PTK2: variants seen among roughly 807,000 people sequenced by gnomAD.
PTK2 encodes protein tyrosine kinase 2.
In PTK2, 45 loss-of-function variants were observed where a neutral mutation model predicts 150.1. The observed-to-expected ratio is 0.30, with a 90% CI of 0.24 to 0.38. PTK2 has a LOEUF of 0.38. Ranked by LOEUF, PTK2 falls within the 10% of genes least tolerant of loss-of-function variation. PTK2 has a pLI of 1.00. For missense variants in PTK2, 919 were observed against 1,307.3 expected, an observed-to-expected ratio of 0.70 and a Z score of 4.58; for synonymous variants, 432 against 449.2, an observed-to-expected ratio of 0.96 and a Z score of 0.48.
At chr8:140,715,158 T>TG (rs1369272778) in intron 23 of PTK2, among the ~76,000 whole-genome samples, 2 of 5,178 alleles carry the variant, frequency 3.9e-4, no homozygotes, top group Non-Finnish European at 1.2e-3. Flanking sequence ...TAAAACCGTT[T>TG]TTTTTTTTTT....
intron 7 of PTK2, among the ~76,000 whole-genome samples, chr8:140,831,111 G>A (rs2100115100): frequency 6.6e-6 from 1 of 152,140 alleles, no homozygotes; most frequent in South Asian, 2.1e-4. Context: ...GTGAATTTAT[G>A]GAAATGCTGG....
intron 1 of PTK2, among the ~76,000 whole-genome samples, chr8:140,943,467 T>G (rs2100176554): frequency 6.6e-6 from 1 of 152,256 alleles, no homozygotes; most frequent in Non-Finnish European, 1.5e-5. Flanking sequence ...CCAAAATCTG[T>G]TTATCCATTT....
At chr8:140,910,422 AAAGT>A (rs773207805) in intron 2 of PTK2, among the ~76,000 whole-genome samples, 1 of 152,148 alleles carries the variant, frequency 6.6e-6, no homozygotes, top group African/African-American at 2.4e-5. Context: ...ATTTTAAACA[AAAGT>A]ATGTATGGAA....
At chr8:140,822,918 T>C (rs2100109657) in intron 8 of PTK2, among the ~76,000 whole-genome samples, 1 of 152,222 alleles carries the variant, frequency 6.6e-6, no homozygotes, top group African/African-American at 2.4e-5. Flanking sequence ...GGTTTCACTT[T>C]CTAGTAAGTA....
chr8:140,810,569 C>T (rs975793990), intron 10 of PTK2, among the ~76,000 whole-genome samples: 1 of 152,200 alleles, frequency 6.6e-6, no homozygotes, highest in African/African-American at 2.4e-5. Context: ...CCGCTCCTTC[C>T]TCACACTGCA....
At chr8:140,882,402 C>T (rs1010448726) in intron 3 of PTK2, among the ~76,000 whole-genome samples, 1 of 152,132 alleles carries the variant, frequency 6.6e-6, no homozygotes, top group Non-Finnish European at 1.5e-5. Flanking sequence ...GATAATAGGA[C>T]ATGGGTTTTT....
At chr8:140,660,796 T>A (rs1420410651) in intron 31 of PTK2, 1 of 327,680 alleles carries the variant, frequency 3.1e-6, no homozygotes, top group Non-Finnish European at 6.2e-6. Context: ...CAAAATGCTG[T>A]CCTACAGGGT....
chr8:140,831,410 T>G (rs1165439109), intron 7 of PTK2, among the ~76,000 whole-genome samples: 1 of 152,192 alleles, frequency 6.6e-6, no homozygotes, highest in African/African-American at 2.4e-5. Flanking sequence ...ATATCACATA[T>G]AATAAACTGA....
intron 1 of PTK2, among the ~76,000 whole-genome samples, chr8:140,963,051 C>T (rs1034171335): frequency 1.3e-5 from 2 of 152,060 alleles, no homozygotes; most frequent in Non-Finnish European, 2.9e-5. Flanking sequence ...AGATTTGGCC[C>T]ACGTGCTATA....
chr8:140,708,326 C>T (rs1390173542), intron 23 of PTK2, among the ~76,000 whole-genome samples: 1 of 152,132 alleles, frequency 6.6e-6, no homozygotes, highest in East Asian at 1.9e-4. Flanking sequence ...ATACTGTCCC[C>T]TCTGCCTGGA....
At chr8:140,743,998 CG>C (rs1469872042) in intron 19 of PTK2, among the ~76,000 whole-genome samples, 1 of 151,460 alleles carries the variant, frequency 6.6e-6, no homozygotes, top group African/African-American at 2.4e-5. Flanking sequence ...AGGATGTTCT[CG>C]ATCTCCTGAT....
At chr8:140,716,473 T>C (rs1008058857) in intron 23 of PTK2, among the ~76,000 whole-genome samples, 2 of 152,194 alleles carry the variant, frequency 1.3e-5, no homozygotes, top group Non-Finnish European at 2.9e-5. Context: ...CAGACAGGTA[T>C]GTGTTTCTTC....
chr8:140,662,514 A>G (rs530433794), intron 31 of PTK2: 135 of 399,750 alleles, frequency 3.4e-4, no homozygotes, highest in African/African-American at 2.6e-3. Flanking sequence ...TGTCATGGAA[A>G]GCCAGAGGCC....
intron 1 of PTK2, among the ~76,000 whole-genome samples, chr8:140,979,992 T>C (rs2100190801): frequency 6.6e-6 from 1 of 152,238 alleles, no homozygotes; most frequent in Non-Finnish European, 1.5e-5. Flanking sequence ...AGTGGTGATA[T>C]AAATTGGTAT....
intron 14 of PTK2, among the ~76,000 whole-genome samples, chr8:140,784,436 GA>G (rs113885002): frequency 7.8e-4 from 117 of 149,804 alleles, no homozygotes; most frequent in African/African-American, 2.6e-3. Context: ...AAAAGAAAAA[GA>G]AAAAAAAACC....
chr8:140,876,310 C>T (rs1450701455), intron 4 of PTK2, among the ~76,000 whole-genome samples: 1 of 152,090 alleles, frequency 6.6e-6, no homozygotes, highest in Non-Finnish European at 1.5e-5. Context: ...TTTATCTCAC[C>T]CTGTTCTTGA....
At chr8:140,840,782 T>C (rs1215155621) in intron 7 of PTK2, among the ~76,000 whole-genome samples, 1 of 152,138 alleles carries the variant, frequency 6.6e-6, no homozygotes, top group Non-Finnish European at 1.5e-5. Flanking sequence ...GAAATACAGA[T>C]GTACTAAACC....
At chr8:140,991,591 A>G (rs746100256) in intron 1 of PTK2, among the ~76,000 whole-genome samples, 2 of 152,230 alleles carry the variant, frequency 1.3e-5, no homozygotes, top group Non-Finnish European at 2.9e-5. Context: ...TCAAGAAGAC[A>G]ACATACACAT....
intron 14 of PTK2, among the ~76,000 whole-genome samples, chr8:140,782,350 T>C (rs2100082278): frequency 6.6e-6 from 1 of 150,698 alleles, no homozygotes; most frequent in Non-Finnish European, 1.5e-5. Context: ...GGTCAAGAGA[T>C]CCTCCTACCT....
Sources: gnomAD v4.1 joint callset for allele counts (sites outside exome capture counted in the v4.1 genomes callset) on GRCh38, gnomAD v4.1.1 for gene constraint, MANE v1.5 for transcripts, NCBI Gene and HGNC (gene_info 2026-07-23, HGNC 2026-07-21) for gene names.